Variants in CHCHD4 observed in about 807,000 individuals in gnomAD.
The protein encoded by CHCHD4 is mitochondrial intermembrane space import and assembly protein 40.
In CHCHD4, 7 loss-of-function variants were observed where a neutral mutation model predicts 12.4. The ratio of observed to expected loss-of-function variants is 0.57; its 90% CI spans 0.32 to 1.06. The LOEUF is 1.06. Ranked by LOEUF, CHCHD4 falls within the 50% of genes least tolerant of loss-of-function variation. The pLI, the probability that CHCHD4 is intolerant of heterozygous loss-of-function variation, is 0.04. For missense variants in CHCHD4, 143 were observed against 175.1 expected (o/e 0.82, Z 1.03); for synonymous variants, 56 against 58.0 (o/e 0.97, Z 0.16).
Position 14,124,842 on chromosome 3 carries a change from C to A in CHCHD4, c.-166G>T. On this transcript the variant is annotated 5_prime_UTR_variant, in exon 1 of 3. Coordinates refer to ENST00000396914, the MANE Select transcript of CHCHD4 (RefSeq NM_001098502.2). ...GCGCCTGCCTCGGCGCCCTCGCAAC[C>A]GCGGCCAGGCCAACCTCAGCCGGAA... is the stretch of plus-strand genomic sequence containing the variant. 2 of 774,626 alleles carry A rather than the reference C, an allele frequency of 2.6e-6. No individual in the cohort carries two copies. Among genetic ancestry groups the A allele is most frequent in the Non-Finnish European group, 4.0e-6 (2 of 494,460 alleles). 48.0% of individuals were successfully genotyped at this position (774,626 alleles called of 1,614,324 possible).
intron 2 of CHCHD4, among the ~76,000 whole-genome samples, chr3:14,115,332 C>CAGAT (rs980307132): frequency 1.3e-5 from 2 of 152,184 alleles, no homozygotes; most frequent in Non-Finnish European, 2.9e-5. Context: ...AGTCTAAAGG[C>CAGAT]AGATACGTAC....
chr3:14,115,339 G>A (rs957450238), intron 2 of CHCHD4, among the ~76,000 whole-genome samples: 2 of 137,222 alleles, frequency 1.5e-5, no homozygotes, highest in African/African-American at 3.6e-5. Flanking sequence ...AGGCAGATAC[G>A]TACTGCTTTT....
intron 2 of CHCHD4, among the ~76,000 whole-genome samples, chr3:14,113,566 C>A (rs1472757282): frequency 1.3e-5 from 2 of 152,166 alleles, no homozygotes; most frequent in Admixed American, 6.5e-5. Context: ...GTATTGATCT[C>A]CTCTTTCCAA....
At chr3:14,121,326 T>G (rs1694931574) in intron 1 of CHCHD4, among the ~76,000 whole-genome samples, 1 of 152,206 alleles carries the variant, frequency 6.6e-6, no homozygotes, top group Non-Finnish European at 1.5e-5. Flanking sequence ...GTGCCAGTGT[T>G]TGTCCGAGAT....
At chr3:14,124,208 G>C (rs1172143850) in intron 1 of CHCHD4, among the ~76,000 whole-genome samples, 2 of 152,230 alleles carry the variant, frequency 1.3e-5, no homozygotes, top group Non-Finnish European at 2.9e-5. Flanking sequence ...TAGCACTCCA[G>C]CACAGCACAC....
At chr3:14,119,475 T>TG (rs758205297) in intron 1 of CHCHD4, among the ~76,000 whole-genome samples, 6 of 138,618 alleles carry the variant, frequency 4.3e-5, no homozygotes, top group Non-Finnish European at 7.4e-5. Flanking sequence ...CAAGGACTGA[T>TG]GCAAGGACAA....
chr3:14,119,012 TC>T (rs377291669), intron 1 of CHCHD4: 4 of 152,428 alleles, frequency 2.6e-5, no homozygotes, highest in Non-Finnish European at 4.4e-5. Context: ...AAAAGCTGAA[TC>T]GAGCTCTCTG....
intron 1 of CHCHD4, chr3:14,121,951 G>A: frequency 6.2e-7 from 1 of 1,613,866 alleles, no homozygotes. Flanking sequence ...AGTACCTGGT[G>A]GTCACAGATG....
chr3:14,121,984 G>A (rs773462205), intron 1 of CHCHD4: 1 of 1,614,102 alleles, frequency 6.2e-7, no homozygotes, highest in Admixed American at 1.7e-5. Context: ...GCATCCAGTG[G>A]AGAAGACGGA....
chr3:14,124,541 C>G (rs1162915541), intron 1 of CHCHD4, 114 bp downstream of exon 1: 2 of 915,304 alleles, frequency 2.2e-6, no homozygotes, highest in Non-Finnish European at 1.5e-6. Context: ...CCAGGGTGGG[C>G]ACCTGGGCCG....
chr3:14,116,275 G>A, intron 2 of CHCHD4, 151 bp downstream of exon 2: 1 of 671,440 alleles, frequency 1.5e-6, no homozygotes, highest in East Asian at 2.6e-5. Context: ...CTCTGAGGAA[G>A]ATAAACCACT....
At position 14,122,093 on chromosome 3, in the gene CHCHD4, G is replaced by C. The variant is rs771150271; in HGVS notation, c.22+2562C>G. The C allele has an allele frequency of 5.1e-6, 8 of 1,576,762 alleles. No individual in the cohort carries two copies. The Admixed American group carries it at 1.3e-4, about 25-fold the overall frequency. On this transcript the variant is annotated intron_variant, in intron 1 of 2. Transcript: ENST00000396914. ...GAACCATCCTGGGCAAAGCCTGGAG[G>C]GCAAAAGGAGGGTTTTAAGTAGTGT...
At chr3:14,124,554 C>A in intron 1 of CHCHD4, 101 bp downstream of exon 1, 1 of 1,136,156 alleles carries the variant, frequency 8.8e-7, no homozygotes, top group Non-Finnish European at 1.2e-6. Context: ...CTGGGCCGCG[C>A]CTCAGGTGGC....
Position 14,112,835 on chromosome 3 carries a change from T to C in CHCHD4, c.*52A>G. The C allele has an allele frequency of 1.3e-6, 2 of 1,529,822 alleles. No individual in the cohort carries two copies. The highest frequency in any genetic ancestry group is 1.8e-6 in the Non-Finnish European group (2 of 1,133,780). 94.8% of individuals were successfully genotyped at this position (1,529,822 alleles called of 1,614,324 possible). ...TCTTGGAAGGTGATGACAAGGCCTT[T>C]TGCAAAAGGTCCACTCCAAAAGGAC... On this transcript the variant is annotated 3_prime_UTR_variant, in exon 3 of 3. Transcript: ENST00000396914.
chr3:14,113,766 C>A (rs1467349730), intron 2 of CHCHD4, among the ~76,000 whole-genome samples: 1 of 152,196 alleles, frequency 6.6e-6, no homozygotes, highest in Non-Finnish European at 1.5e-5. Flanking sequence ...AAGCTGGTGG[C>A]ATACCATTAG....
At chr3:14,121,992 G>C in intron 1 of CHCHD4, 1 of 1,613,966 alleles carries the variant, frequency 6.2e-7, no homozygotes, top group Non-Finnish European at 8.5e-7. Context: ...TGGAGAAGAC[G>C]GAAGGGGAGG....
intron 2 of CHCHD4, among the ~76,000 whole-genome samples, chr3:14,114,870 TCTAAGGC>T (rs996565597): frequency 3.3e-5 from 5 of 152,174 alleles, no homozygotes; most frequent in African/African-American, 1.2e-4. Context: ...AAACATGCAG[TCTAAGGC>T]CTGAAGTTCC....
chr3:14,124,837 G>T lies in CHCHD4; in HGVS notation c.-161C>A. 1.2e-6 allele frequency: 1 copy of T among 833,504 alleles called. No homozygotes were observed. Among genetic ancestry groups the T allele is most frequent in the Non-Finnish European group, 1.8e-6 (1 of 549,200 alleles). 51.6% of individuals were successfully genotyped at this position (833,504 alleles called of 1,614,324 possible). On this transcript the variant is annotated 5_prime_UTR_variant, in exon 1 of 3. Transcript: ENST00000396914. ...GCCGCGCGCCTGCCTCGGCGCCCTC[G>T]CAACCGCGGCCAGGCCAACCTCAGC...
intron 2 of CHCHD4, among the ~76,000 whole-genome samples, chr3:14,115,054 G>A (rs1353629190): frequency 6.6e-6 from 1 of 152,152 alleles, no homozygotes; most frequent in Non-Finnish European, 1.5e-5. Flanking sequence ...CTGCAGAGCT[G>A]GATGCTGGAA....
Sources: allele counts gnomAD v4.1 joint callset (sites outside exome capture counted in the v4.1 genomes callset), GRCh38; gene constraint gnomAD v4.1.1; transcripts MANE v1.5; gene names NCBI Gene and HGNC (gene_info 2026-07-23, HGNC 2026-07-21).